The following SLC26A5 variants were observed in gnomAD, a reference collection of about 807,000 sequenced individuals.
The protein encoded by SLC26A5 is prestin.
In SLC26A5, 51 loss-of-function variants were observed where a neutral mutation model predicts 81.0. The ratio of observed to expected loss-of-function variants is 0.63; its 90% CI spans 0.50 to 0.80. The LOEUF is 0.80. SLC26A5 is among the 30% of genes least tolerant of loss of function. The probability of loss-of-function intolerance (pLI) is 0.00; values close to 1 mark genes in which losing one functional copy is unlikely to be tolerated. For missense variants in SLC26A5, 771 were observed against 905.8 expected (o/e 0.85, Z 1.91); for synonymous variants, 325 against 332.8 (o/e 0.98, Z 0.25).
chr7:103,407,725 A>G (rs1824166644), intron 8 of SLC26A5, 126 bp downstream of exon 8: 4 of 1,089,744 alleles, frequency 3.7e-6, no homozygotes, highest in Middle Eastern at 6.2e-4. Flanking sequence ...CAAATTTGAC[A>G]AATTGTAACC....
intron 19 of SLC26A5, among the ~76,000 whole-genome samples, chr7:103,374,936 A>T (rs1439121239): frequency 6.7e-6 from 1 of 149,930 alleles, no homozygotes; most frequent in Non-Finnish European, 1.5e-5. Flanking sequence ...AATATAAATA[A>T]ATATAAGTAT....
chr7:103,389,048 C>G lies in SLC26A5; in HGVS notation c.1474G>C (p.Val492Leu). Residue 492 changes from valine (V) to leucine (L), a missense_variant, in exon 14 of 20, where the codon GTG becomes CTG. Val to Leu is a conservative substitution (Grantham distance 32). Coordinates refer to ENST00000306312, the MANE Select transcript of SLC26A5 (RefSeq NM_198999.3). Reference sequence around the variant, plus strand: ...ATCACAGTCAGCAGAGCAATGATCACAGCAGTGATCAAACCATAGTCCAAT... The same window carrying G: ...ATCACAGTCAGCAGAGCAATGATCAGAGCAGTGATCAAACCATAGTCCAAT... ...LGLDYGLITA[V>L]IIALLTVIYR... The G allele has an allele frequency of 6.2e-7, 1 of 1,613,762 alleles. No homozygotes were observed. Among genetic ancestry groups the G allele is most frequent in the Non-Finnish European group, 8.5e-7 (1 of 1,179,812 alleles).
chr7:103,361,475 G>A (rs1820403311), intron 19 of SLC26A5, among the ~76,000 whole-genome samples: 1 of 120,276 alleles, frequency 8.3e-6, no homozygotes, highest in Admixed American at 1.1e-4. Flanking sequence ...ACACCATTGT[G>A]TTTCAGCCTG....
At chr7:103,380,865 A>G (rs1254917764) in intron 14 of SLC26A5, among the ~76,000 whole-genome samples, 1 of 151,774 alleles carries the variant, frequency 6.6e-6, no homozygotes, top group Non-Finnish European at 1.5e-5. Flanking sequence ...CACACCACAC[A>G]CATACACAAT....
At chr7:103,442,115 G>T (rs192551012) in intron 2 of SLC26A5, among the ~76,000 whole-genome samples, 4 of 150,950 alleles carry the variant, frequency 2.6e-5, no homozygotes, top group Non-Finnish European at 5.9e-5. Context: ...CCAGTCCATT[G>T]TCTCCTCCCC....
At chr7:103,439,491 T>C (rs150439316) in intron 2 of SLC26A5, among the ~76,000 whole-genome samples, 2 of 152,294 alleles carry the variant, frequency 1.3e-5, no homozygotes, top group Non-Finnish European at 2.9e-5. Context: ...CTTGTCACTC[T>C]GCTCCAGTCA....
intron 8 of SLC26A5, 74 bp downstream of exon 8, chr7:103,407,777 C>T: frequency 6.4e-7 from 1 of 1,566,748 alleles, no homozygotes; most frequent in Non-Finnish European, 8.7e-7. Context: ...CTTTCATCCA[C>T]TTCAAAATCC....
Position 103,367,369 on chromosome 7 carries a change from C to T in SLC26A5, c.2041+9439G>A, listed in dbSNP as rs906294637. 1 of 1,596,904 alleles carries T rather than the reference C, an allele frequency of 6.3e-7. No individual in the cohort carries two copies. Among genetic ancestry groups the T allele is most frequent in the African/African-American group, 1.3e-5 (1 of 74,492 alleles). On this transcript the variant is annotated intron_variant, in intron 19 of 19. Transcript: ENST00000339444. The surrounding 1 kb of genome is among the most constrained non-coding windows in gnomAD (Gnocchi z 6.1). ...CTTTCAGGTCATGCATAGTGCTACTCTTGAGTGGACTTGAAGAGCTTATCT... is the reference window on the plus strand; with the variant it reads ...CTTTCAGGTCATGCATAGTGCTACTTTTGAGTGGACTTGAAGAGCTTATCT...
intron 19 of SLC26A5, among the ~76,000 whole-genome samples, chr7:103,356,400 ATAT>A (rs1356843637): frequency 6.6e-6 from 1 of 152,170 alleles, no homozygotes; most frequent in African/African-American, 2.4e-5. Context: ...GGGGTCAAAG[ATAT>A]TATAGTTTTA....
chr7:103,369,857 A>T (rs1043866943), downstream of SLC26A5, among the ~76,000 whole-genome samples: 2 of 152,184 alleles, frequency 1.3e-5, no homozygotes, highest in Non-Finnish European at 2.9e-5. Context: ...TGTATTAAAA[A>T]ACTCCGTTTT....
intron 6 of SLC26A5, 128 bp downstream of exon 6, chr7:103,411,292 A>G: frequency 9.8e-7 from 1 of 1,019,102 alleles, no homozygotes; most frequent in South Asian, 1.6e-5. Context: ...GTCTGCAGTT[A>G]CTCCCAGAGC....
Position 103,411,509 on chromosome 7 carries a change from C to T in SLC26A5, c.481G>A (p.Gly161Arg). Residue 161 changes from glycine (G) to arginine (R), a missense_variant, in exon 6 of 20, where the codon GGA becomes AGA. Coordinates refer to ENST00000306312, the MANE Select transcript of SLC26A5 (RefSeq NM_198999.3). ...LVPDDIVIPG[G>R]VNATNGTEAR... The stretch of plus-strand genomic sequence containing the variant: ...TCTGTGCCATTGGTTGCATTTACTC[C>T]TCCTGGAATGACTATATCATCTGGT... 1 of 1,614,166 alleles carries T rather than the reference C, an allele frequency of 6.2e-7. No homozygotes were observed.
In SLC26A5 at chr7:103,367,154, G is replaced by A. The variant is rs571316959; in HGVS notation, c.2041+9654C>T. On this transcript the variant is annotated intron_variant, in intron 19 of 19. Transcript: ENST00000339444. The surrounding 1 kb of genome is among the most constrained non-coding windows in gnomAD (Gnocchi z 6.1). ...TCCAAATTAAGTAATAAATGTGGTA[G>A]ACTTTGAAAACACTAAACTGCCCCA... is the stretch of plus-strand genomic sequence containing the variant. Among the ~76,000 whole-genome samples the A allele has an allele frequency of 6.6e-6, 1 of 152,258 alleles. No individual in the cohort carries two copies. Among genetic ancestry groups the A allele is most frequent in the East Asian group, 1.9e-4 (1 of 5,182 alleles).
At chr7:103,397,468 G>C (rs1416965046) in intron 9 of SLC26A5, among the ~76,000 whole-genome samples, 1 of 147,940 alleles carries the variant, frequency 6.8e-6, no homozygotes, top group African/African-American at 2.5e-5. Context: ...ATGAACCCAG[G>C]AGGCGGAGCT....
intron 19 of SLC26A5, among the ~76,000 whole-genome samples, chr7:103,375,475 G>C (rs1821287361): frequency 6.6e-6 from 1 of 152,116 alleles, no homozygotes; most frequent in African/African-American, 2.4e-5. Context: ...GTCTGAGAGA[G>C]CCTGTTTTCC....
At chr7:103,395,590 C>T (rs1434141076) in intron 9 of SLC26A5, among the ~76,000 whole-genome samples, 1 of 142,416 alleles carries the variant, frequency 7.0e-6, no homozygotes. Flanking sequence ...ATGGCGTGAT[C>T]TTGACTCACT....
At chr7:103,355,058 C>A (rs924674944) in intron 19 of SLC26A5, 17 of 737,558 alleles carry the variant, frequency 2.3e-5, no homozygotes, top group Non-Finnish European at 3.9e-5. Context: ...TAAAAAAAAT[C>A]ATTATTCTTC....
chr7:103,419,972 G>T (rs1484740444), intron 4 of SLC26A5, among the ~76,000 whole-genome samples: 1 of 152,268 alleles, frequency 6.6e-6, no homozygotes, highest in Non-Finnish European at 1.5e-5. Context: ...TGAGCTCCAT[G>T]AGGACAGTGA....
At chr7:103,396,722 T>G (rs904954316) in intron 9 of SLC26A5, among the ~76,000 whole-genome samples, 1 of 152,084 alleles carries the variant, frequency 6.6e-6, no homozygotes, top group African/African-American at 2.4e-5. Flanking sequence ...AGTTACAGAT[T>G]TGCAAGGTGA....
Sources: allele counts gnomAD v4.1 joint callset (sites outside exome capture counted in the v4.1 genomes callset), GRCh38; gene constraint gnomAD v4.1.1; non-coding constraint Gnocchi (gnomAD v3.1); transcripts MANE v1.5; gene names NCBI Gene and HGNC (gene_info 2026-07-23, HGNC 2026-07-21).